Variants in RBFOX1 observed in about 807,000 individuals in gnomAD.
The protein encoded by RBFOX1 is RNA binding fox-1 homolog 1, also known as RNA binding protein fox-1 homolog 1.
A neutral mutation model predicts 57.7 loss-of-function variants in RBFOX1; 8 were observed. That is an observed-to-expected ratio of 0.14 (90% CI 0.08 to 0.25). RBFOX1 has a LOEUF of 0.25. Ranked by LOEUF, RBFOX1 falls within the 10% of genes least tolerant of loss-of-function variation. The probability of loss-of-function intolerance (pLI) is 1.00; values close to 1 mark genes in which losing one functional copy is unlikely to be tolerated. For synonymous variants in RBFOX1, 326 were observed against 222.4 expected (o/e 1.47, Z -4.15); for missense variants, 611 against 548.5 (o/e 1.11, Z -1.14).
chr16:5,562,621 G>A (rs2045929505), intron 2 of RBFOX1, among the ~76,000 whole-genome samples: 1 of 152,100 alleles, frequency 6.6e-6, no homozygotes, highest in Non-Finnish European at 1.5e-5. Flanking sequence ...CCTCCAACTT[G>A]TAAGTGCTAG....
At chr16:6,681,795 G>A (rs902484033) in intron 3 of RBFOX1, among the ~76,000 whole-genome samples, 2 of 152,170 alleles carry the variant, frequency 1.3e-5, no homozygotes, top group Non-Finnish European at 1.5e-5. Context: ...CTGTAATGTG[G>A]AGATAATAGC....
intron 4 of RBFOX1, among the ~76,000 whole-genome samples, chr16:7,412,842 A>G (rs2098442729): frequency 6.6e-6 from 1 of 152,162 alleles, no homozygotes; most frequent in Non-Finnish European, 1.5e-5. Flanking sequence ...GGAGATCGAG[A>G]CCATCCTGGC....
At chr16:5,886,791 G>A (rs1168548418) in intron 4 of RBFOX1, among the ~76,000 whole-genome samples, 1 of 152,246 alleles carries the variant, frequency 6.6e-6, no homozygotes, top group Non-Finnish European at 1.5e-5. Flanking sequence ...GGGAGGCTGA[G>A]GCAGGGGAAT....
intron 2 of RBFOX1, among the ~76,000 whole-genome samples, chr16:6,349,816 A>G (rs1440653032): frequency 6.6e-6 from 1 of 152,178 alleles, no homozygotes; most frequent in Non-Finnish European, 1.5e-5. Flanking sequence ...ACTTTATAGG[A>G]AAAATGATTA....
chr16:7,414,222 T>C (rs923064686), intron 4 of RBFOX1, among the ~76,000 whole-genome samples: 1 of 152,198 alleles, frequency 6.6e-6, no homozygotes, highest in Non-Finnish European at 1.5e-5. Flanking sequence ...GTGGTAGGGA[T>C]ACAGAAATGG....
At chr16:5,401,390 G>C (rs1325407078) in intron 1 of RBFOX1, among the ~76,000 whole-genome samples, 1 of 152,098 alleles carries the variant, frequency 6.6e-6, no homozygotes, top group Non-Finnish European at 1.5e-5. Context: ...GCTCCGGTGT[G>C]GTTCAGCAAT....
At chr16:7,192,919 A>G (rs2085783242) in intron 4 of RBFOX1, among the ~76,000 whole-genome samples, 1 of 152,210 alleles carries the variant, frequency 6.6e-6, no homozygotes, top group African/African-American at 2.4e-5. Context: ...TTCTGAGAAC[A>G]ATGTAAAAAG....
chr16:5,398,362 T>G (rs957930688), intron 1 of RBFOX1, among the ~76,000 whole-genome samples: 28 of 152,038 alleles, frequency 1.8e-4, no homozygotes, highest in Admixed American at 2.0e-4. Context: ...AGCACCTGTT[T>G]TAGTGTGCAT....
intron 3 of RBFOX1, among the ~76,000 whole-genome samples, chr16:6,791,503 A>C (rs1287899541): frequency 1.3e-5 from 2 of 152,196 alleles, no homozygotes; most frequent in Non-Finnish European, 1.5e-5. Flanking sequence ...TCACACCTGT[A>C]ATCCCAGCAC....
chr16:6,589,327 G>C (rs927244523), intron 2 of RBFOX1, among the ~76,000 whole-genome samples: 1 of 152,216 alleles, frequency 6.6e-6, no homozygotes, highest in African/African-American at 2.4e-5. Context: ...CCAGCTGTAT[G>C]GGAGACCAGC....
chr16:6,344,849 C>T (rs560958977), intron 2 of RBFOX1, among the ~76,000 whole-genome samples: 65 of 151,918 alleles, frequency 4.3e-4, no homozygotes, highest in Admixed American at 4.3e-3. Flanking sequence ...TGCCACCATG[C>T]TCCACTAATT....
intron 4 of RBFOX1, among the ~76,000 whole-genome samples, chr16:5,957,853 C>T (rs2059676597): frequency 6.6e-6 from 1 of 152,036 alleles, no homozygotes; most frequent in Non-Finnish European, 1.5e-5. Context: ...TGGAAATGTA[C>T]AATTAATTTA....
chr16:5,279,484 G>T (rs535758801), intron 1 of RBFOX1, among the ~76,000 whole-genome samples: 2 of 150,006 alleles, frequency 1.3e-5, no homozygotes, highest in Non-Finnish European at 3.0e-5. Flanking sequence ...TTATACGTCC[G>T]TTTTTAAAAA....
chr16:5,600,751 C>A (rs948069511), downstream of RBFOX1, among the ~76,000 whole-genome samples: 3 of 151,884 alleles, frequency 2.0e-5, no homozygotes, highest in African/African-American at 7.3e-5. Flanking sequence ...GTAGTGTTTA[C>A]CTGTGATGCC....
chr16:5,442,243 G>A lies in RBFOX1; in HGVS notation c.220-24973G>A, dbSNP rs537517431. 7.9e-5 allele frequency among the ~76,000 whole-genome samples: 12 copies of A among 152,286 alleles called. No homozygotes were observed. The East Asian group carries it at 1.7e-3, about 22-fold the overall frequency. On this transcript the variant is annotated intron_variant, in intron 1 of 2. Coordinates refer to the RBFOX1 transcript ENST00000585867. ...GGGGGAGGATGTAGAAGGGCATTCCGTCCAGTGGGAGTAGTACTGCACAGG... is the reference window on the plus strand; with the variant it reads ...GGGGGAGGATGTAGAAGGGCATTCCATCCAGTGGGAGTAGTACTGCACAGG...
chr16:7,043,003 A>C (rs1279444545), intron 3 of RBFOX1, among the ~76,000 whole-genome samples: 3 of 152,090 alleles, frequency 2.0e-5, no homozygotes, highest in Admixed American at 2.0e-4. Flanking sequence ...AAACCTAAAT[A>C]TTTTGCAATC....
intron 2 of RBFOX1, among the ~76,000 whole-genome samples, chr16:6,616,581 C>G (rs1006023737): frequency 6.6e-6 from 1 of 152,156 alleles, no homozygotes; most frequent in African/African-American, 2.4e-5. Flanking sequence ...GAGGCTGAGG[C>G]AGGAGAATAG....
At position 6,498,577 on chromosome 16, in the gene RBFOX1, C is replaced by T. The variant is rs566625137; in HGVS notation, c.-63-156026C>T. Among the ~76,000 whole-genome samples, 17 of 152,176 alleles carry T rather than the reference C, an allele frequency of 1.1e-4. 1 individual carries two copies. The highest frequency in any genetic ancestry group is 7.2e-4 in the Admixed American group (11 of 15,290). On this transcript the variant is annotated intron_variant, in intron 2 of 15. Coordinates refer to ENST00000550418, the MANE Select transcript of RBFOX1 (RefSeq NM_018723.4). ...CCAACGATTAGATTGTGATGATAGG[C>T]TATAAACTTCATGAAGACAGAGAAC...
At chr16:6,327,692 A>T (rs2082535410) in intron 2 of RBFOX1, among the ~76,000 whole-genome samples, 1 of 152,210 alleles carries the variant, frequency 6.6e-6, no homozygotes. Context: ...CTATGACATG[A>T]TAATGTCCAA....
Sources: gnomAD v4.1 joint callset for allele counts (sites outside exome capture counted in the v4.1 genomes callset) on GRCh38, gnomAD v4.1.1 for gene constraint, MANE v1.5 for transcripts, NCBI Gene and HGNC (gene_info 2026-07-23, HGNC 2026-07-21) for gene names.